The following SND1 variants were observed in gnomAD, a reference collection of about 807,000 sequenced individuals.
SND1 encodes staphylococcal nuclease domain-containing protein 1.
Under a neutral mutation model 121.7 loss-of-function variants are expected in SND1, and 38 were observed. The observed-to-expected ratio is 0.31, with a 90% confidence interval of 0.24 to 0.41. The LOEUF (loss-of-function observed/expected upper bound fraction) is 0.41, where lower values mean the gene tolerates loss of function less well. SND1 is among the 10% of genes least tolerant of loss of function. The pLI, the probability that SND1 is intolerant of heterozygous loss-of-function variation, is 1.00. For synonymous variants in SND1, 401 were observed against 447.4 expected (o/e 0.90, Z 1.31); for missense variants, 868 against 1,184.6 (o/e 0.73, Z 3.92).
chr7:127,766,999 G>T (rs570231039), intron 10 of SND1, among the ~76,000 whole-genome samples: 1 of 151,884 alleles, frequency 6.6e-6, no homozygotes, highest in Non-Finnish European at 1.5e-5. Flanking sequence ...ACAGCTCATG[G>T]CAATAACACT....
chr7:127,928,676 C>T (rs1450461534), intron 14 of SND1, among the ~76,000 whole-genome samples: 1 of 152,082 alleles, frequency 6.6e-6, no homozygotes, highest in African/African-American at 2.4e-5. Context: ...GCAACCTCCA[C>T]CTCCCAGGTT....
intron 2 of SND1, among the ~76,000 whole-genome samples, chr7:127,690,878 A>G (rs1187167175): frequency 6.6e-6 from 1 of 152,160 alleles, no homozygotes; most frequent in Non-Finnish European, 1.5e-5. Context: ...ATATCTTCAC[A>G]TGATTATTCT....
At chr7:127,850,473 C>T (rs1266105406) in intron 12 of SND1, among the ~76,000 whole-genome samples, 1 of 152,180 alleles carries the variant, frequency 6.6e-6, no homozygotes. Flanking sequence ...TTAATAATGG[C>T]AGTGGCTCTG....
In SND1 at chr7:127,727,568, C is replaced by T. The variant is rs575612742; in HGVS notation, c.1152+6168C>T. Among the ~76,000 whole-genome samples, 224 of 152,206 alleles carry T rather than the reference C, an allele frequency of 1.5e-3. 8 individuals are homozygous for T. The South Asian group carries it at 0.044, about 30-fold the overall frequency. On this transcript the variant is annotated intron_variant, in intron 10 of 23. Coordinates refer to ENST00000354725, the MANE Select transcript of SND1 (RefSeq NM_014390.4). ...CCAGTAAACCCACTCACTGTGATCTCCTGCTTGTTACTGGGAGCATAAGGC... is the reference window on the plus strand; with the variant it reads ...CCAGTAAACCCACTCACTGTGATCTTCTGCTTGTTACTGGGAGCATAAGGC...
intron 10 of SND1, among the ~76,000 whole-genome samples, chr7:127,796,205 G>A (rs1798022716): frequency 6.6e-6 from 1 of 151,950 alleles, no homozygotes; most frequent in Non-Finnish European, 1.5e-5. Context: ...CCAGAAGGTT[G>A]AGGAACAGTT....
intron 15 of SND1, among the ~76,000 whole-genome samples, chr7:127,951,126 T>G (rs1330095400): frequency 6.6e-6 from 1 of 152,196 alleles, no homozygotes; most frequent in Non-Finnish European, 1.5e-5. Context: ...CCCCTGTTCA[T>G]TGCAGCACTT....
chr7:128,040,962 A>G (rs1276794006), intron 16 of SND1, among the ~76,000 whole-genome samples: 3 of 152,224 alleles, frequency 2.0e-5, no homozygotes, highest in Admixed American at 6.5e-5. Flanking sequence ...TAGTCCACTC[A>G]GTACTGGCCT....
intron 16 of SND1, among the ~76,000 whole-genome samples, chr7:128,060,643 A>G (rs1247590211): frequency 6.6e-6 from 1 of 152,126 alleles, no homozygotes. Context: ...TCCTGAGAGC[A>G]CTAAAAGAAA....
intron 11 of SND1, among the ~76,000 whole-genome samples, chr7:127,818,665 G>C (rs1157426059): frequency 1.3e-5 from 2 of 152,182 alleles, no homozygotes; most frequent in Admixed American, 1.3e-4. Context: ...CTGGCAGGTT[G>C]CTGCTGAGCC....
rs189705212 is a variant in SND1, at chr7:127,734,797, G to A, written c.1152+13397G>A. Among the ~76,000 whole-genome samples, 74 of 152,320 alleles carry A rather than the reference G, an allele frequency of 4.9e-4. 1 individual carries two copies. Among genetic ancestry groups the A allele is most frequent in the Non-Finnish European group, 4.4e-5 (3 of 68,036 alleles). On this transcript the variant is annotated intron_variant, in intron 10 of 23. Coordinates refer to ENST00000354725, the MANE Select transcript of SND1 (RefSeq NM_014390.4). ...TCTGCCGAGTTCTTTTCAGGACTCA[G>A]CTCTGAGCATTACAGGATGAGAAAT...
chr7:127,862,180 A>G (rs1584625604), intron 12 of SND1, among the ~76,000 whole-genome samples: 1 of 152,224 alleles, frequency 6.6e-6, no homozygotes, highest in African/African-American at 2.4e-5. Context: ...AAAGGCAGGG[A>G]CTGTGGAAAT....
At chr7:127,983,797 T>C (rs1408779334) in intron 15 of SND1, among the ~76,000 whole-genome samples, 1 of 152,152 alleles carries the variant, frequency 6.6e-6, no homozygotes, top group Non-Finnish European at 1.5e-5. Flanking sequence ...GGAGTGGACT[T>C]AGTGACCATC....
chr7:127,730,273 T>A (rs1032275843), intron 10 of SND1, among the ~76,000 whole-genome samples: 1 of 152,248 alleles, frequency 6.6e-6, no homozygotes, highest in African/African-American at 2.4e-5. Flanking sequence ...AGCCTGACAT[T>A]GGACAGCTCT....
intron 16 of SND1, among the ~76,000 whole-genome samples, chr7:128,059,147 T>G (rs960234361): frequency 3.9e-5 from 6 of 152,222 alleles, no homozygotes; most frequent in African/African-American, 1.2e-4. Flanking sequence ...CTGGAACATG[T>G]CTGCCTTTCT....
At chr7:127,979,358 G>A (rs1437391419) in intron 15 of SND1, among the ~76,000 whole-genome samples, 4 of 152,216 alleles carry the variant, frequency 2.6e-5, no homozygotes, top group South Asian at 4.1e-4. Context: ...ACACTTGAAC[G>A]AGGGAGGGGA....
chr7:127,859,522 G>A (rs1170555363), intron 12 of SND1, among the ~76,000 whole-genome samples: 5 of 152,164 alleles, frequency 3.3e-5, no homozygotes, highest in Admixed American at 6.5e-5. Flanking sequence ...CTTTGGGAAG[G>A]CCAGGTGATA....
chr7:127,660,667 AAAC>A (rs1389458347), intron 1 of SND1, among the ~76,000 whole-genome samples: 1 of 152,214 alleles, frequency 6.6e-6, no homozygotes, highest in African/African-American at 2.4e-5. Context: ...TTAGTGTTCA[AAAC>A]ATTTCAGATT....
chr7:127,921,742 T>A (rs1194389539), intron 14 of SND1, among the ~76,000 whole-genome samples: 1 of 152,238 alleles, frequency 6.6e-6, no homozygotes, highest in African/African-American at 2.4e-5. Context: ...TAGAGTCAAC[T>A]TCTAGTCCCT....
At position 127,868,815 on chromosome 7, in the gene SND1, A is replaced by G. The variant is rs140579607; in HGVS notation, c.1344-19087A>G. Among the ~76,000 whole-genome samples, 20 of 152,238 alleles carry G rather than the reference A, an allele frequency of 1.3e-4. No homozygotes were observed. The East Asian group carries it at 3.9e-3, about 29-fold the overall frequency. On this transcript the variant is annotated intron_variant, in intron 12 of 23. Transcript: ENST00000354725. ...ACCTGTTTTCTTAGGCCACATGAAC[A>G]TTATATGGTTGTTTTATTTTTTTTA...
Sources: allele counts gnomAD v4.1 joint callset (sites outside exome capture counted in the v4.1 genomes callset), GRCh38; gene constraint gnomAD v4.1.1; transcripts MANE v1.5; gene names NCBI Gene and HGNC (gene_info 2026-07-23, HGNC 2026-07-21).